The following SNX2 variants were observed in gnomAD, a reference collection of about 807,000 sequenced individuals.
SNX2 encodes the protein sorting nexin 2, also known as sorting nexin-2.
SNX2 carries 25 observed loss-of-function variants against 69.9 expected under a neutral mutation model. The ratio of observed to expected loss-of-function variants is 0.36; its 90% CI spans 0.26 to 0.50. SNX2 has a LOEUF of 0.50. Ranked by LOEUF, SNX2 falls within the 20% of genes least tolerant of loss-of-function variation. The pLI is 0.97. For missense variants in SNX2, 551 were observed against 613.3 expected (o/e 0.90, Z 1.07); for synonymous variants, 229 against 200.4 (o/e 1.14, Z -1.20).
chr5:122,794,392 G>T (rs1176609015), intron 1 of SNX2, among the ~76,000 whole-genome samples: 3 of 152,160 alleles, frequency 2.0e-5, no homozygotes, highest in Non-Finnish European at 4.4e-5. Flanking sequence ...CACATTTTTA[G>T]TTTGAAGCGA....
At chr5:122,821,328 C>T (rs987346539) in intron 11 of SNX2, among the ~76,000 whole-genome samples, 1 of 152,134 alleles carries the variant, frequency 6.6e-6, no homozygotes, top group Non-Finnish European at 1.5e-5. Flanking sequence ...TCCATTTATT[C>T]CTTCCATCCC....
At chr5:122,806,167 CAG>C (rs199996116) in intron 6 of SNX2, among the ~76,000 whole-genome samples, 6 of 147,602 alleles carry the variant, frequency 4.1e-5, no homozygotes, top group African/African-American at 9.9e-5. Flanking sequence ...CACACACACA[CAG>C]CCCACCATTC....
upstream of SNX2, chr5:122,775,063 T>A (rs201610876): frequency 5.2e-5 from 81 of 1,545,470 alleles, no homozygotes; most frequent in African/African-American, 8.7e-4. Context: ...ACGTGACGGG[T>A]CCGCGAGGCC....
At chr5:122,778,630 T>A (rs1264169919) in intron 1 of SNX2, among the ~76,000 whole-genome samples, 1 of 152,188 alleles carries the variant, frequency 6.6e-6, no homozygotes, top group East Asian at 1.9e-4. Flanking sequence ...TGCCTCAGCC[T>A]CCTGAGTAGC....
At chr5:122,782,996 G>T (rs1753010169) in intron 1 of SNX2, among the ~76,000 whole-genome samples, 2 of 151,384 alleles carry the variant, frequency 1.3e-5, no homozygotes, top group African/African-American at 4.9e-5. Flanking sequence ...GAGTGCAGTG[G>T]CGTGATCTCG....
At chr5:122,783,433 G>A (rs1753018709) in intron 1 of SNX2, among the ~76,000 whole-genome samples, 1 of 152,098 alleles carries the variant, frequency 6.6e-6, no homozygotes, top group African/African-American at 2.4e-5. Context: ...AAAGAATTTG[G>A]AATTTTACAT....
At chr5:122,817,749 T>TA (rs1043076977) in intron 10 of SNX2, among the ~76,000 whole-genome samples, 3 of 152,082 alleles carry the variant, frequency 2.0e-5, no homozygotes, top group Non-Finnish European at 2.9e-5. Context: ...TTGATTATAA[T>TA]AAAAAAACTT....
intron 11 of SNX2, among the ~76,000 whole-genome samples, chr5:122,823,573 T>G (rs976740314): frequency 2.6e-5 from 4 of 152,228 alleles, no homozygotes; most frequent in African/African-American, 9.6e-5. Flanking sequence ...CATTAGCTTT[T>G]TCCCTGTATT....
At chr5:122,807,905 T>A (rs1753690861) in intron 6 of SNX2, among the ~76,000 whole-genome samples, 1 of 152,220 alleles carries the variant, frequency 6.6e-6, no homozygotes, top group African/African-American at 2.4e-5. Context: ...TAATTGAGCT[T>A]AAATTTATTG....
intron 1 of SNX2, among the ~76,000 whole-genome samples, chr5:122,793,658 C>T (rs1038727301): frequency 3.3e-5 from 5 of 152,082 alleles, no homozygotes; most frequent in African/African-American, 1.2e-4. Context: ...GCCTATAATC[C>T]CAGCACTTTG....
Position 122,815,989 on chromosome 5 carries a change from A to T in SNX2, c.798+18A>T, listed in dbSNP as rs1250129165. The stretch of plus-strand genomic sequence containing the variant: ...GTTCAGAGGTATTATTTCTATATTA[A>T]ATGTTTGTATATGAATGTTCTCGTT... On this transcript the variant is annotated intron_variant, in intron 8 of 14. Coordinates refer to ENST00000379516, the MANE Select transcript of SNX2 (RefSeq NM_003100.4). 7.1e-7 allele frequency: 1 copy of T among 1,406,382 alleles called. No homozygotes were observed. 87.1% of individuals were successfully genotyped at this position (1,406,382 alleles called of 1,614,324 possible). A position where few individuals can be genotyped will look rare whatever the true frequency, so the allele number is the denominator to read the frequency against.
intron 7 of SNX2, 85 bp from the exon 8 acceptor site, chr5:122,815,811 C>T: frequency 1.7e-5 from 11 of 642,216 alleles, no homozygotes; most frequent in Admixed American, 1.2e-4. Flanking sequence ...ACTTTTTTTT[C>T]CTAGTATTTC....
At chr5:122,826,861 T>C (rs997036082) in intron 12 of SNX2, among the ~76,000 whole-genome samples, 1 of 152,006 alleles carries the variant, frequency 6.6e-6, no homozygotes, top group Admixed American at 6.5e-5. Context: ...TAATTCCACA[T>C]TTTTTTCCAA....
chr5:122,787,914 C>G (rs58337489), intron 1 of SNX2, among the ~76,000 whole-genome samples: 3,463 of 152,224 alleles, frequency 0.023, 144 homozygotes, highest in African/African-American at 0.079. Flanking sequence ...TTTACTTCAA[C>G]AGTCATGTCT....
chr5:122,792,965 G>C (rs1291282465), intron 1 of SNX2, among the ~76,000 whole-genome samples: 1 of 152,104 alleles, frequency 6.6e-6, no homozygotes, highest in Admixed American at 6.6e-5. Flanking sequence ...TGAAAAAAAT[G>C]GAATATATCA....
chr5:122,800,517 A>C (rs901578766), intron 3 of SNX2, among the ~76,000 whole-genome samples: 6 of 152,180 alleles, frequency 3.9e-5, no homozygotes, highest in Non-Finnish European at 7.4e-5. Context: ...AAACAGATAA[A>C]AGTAAAGTAC....
intron 14 of SNX2, among the ~76,000 whole-genome samples, chr5:122,828,354 A>G (rs1375449760): frequency 2.0e-5 from 3 of 152,176 alleles, no homozygotes; most frequent in Non-Finnish European, 2.9e-5. Flanking sequence ...AACAGCTCAT[A>G]AAGTTAAATT....
chr5:122,788,888 G>A (rs1050248414), intron 1 of SNX2, among the ~76,000 whole-genome samples: 5 of 152,124 alleles, frequency 3.3e-5, no homozygotes, highest in Admixed American at 1.3e-4. Context: ...AAAAAATAAT[G>A]CATTCAACAT....
chr5:122,786,233 T>C (rs2150001707), intron 1 of SNX2, among the ~76,000 whole-genome samples: 1 of 152,296 alleles, frequency 6.6e-6, no homozygotes, highest in South Asian at 2.1e-4. Flanking sequence ...TACTTTTAAC[T>C]AATTTGTCTT....
Sources: gnomAD v4.1 joint callset for allele counts (sites outside exome capture counted in the v4.1 genomes callset) on GRCh38, gnomAD v4.1.1 for gene constraint, MANE v1.5 for transcripts, NCBI Gene and HGNC (gene_info 2026-07-23, HGNC 2026-07-21) for gene names.